ARB2A: variants seen among roughly 807,000 people sequenced by gnomAD.
ARB2A encodes the protein cotranscriptional regulator ARB2A.
At chr5:94,015,975 C>G in the ARB2A span, among the ~76,000 whole-genome samples, 1 of 152,198 alleles carries the variant, frequency 6.6e-6, no homozygotes, top group East Asian at 1.9e-4. Context: ...ACACAATTCT[C>G]TAATTAAAAA....
the ARB2A span, among the ~76,000 whole-genome samples, chr5:93,821,868 C>T: frequency 6.7e-6 from 1 of 149,870 alleles, no homozygotes; most frequent in Non-Finnish European, 1.5e-5. Context: ...CGTATGCTTC[C>T]ATTACATACC....
the ARB2A span, among the ~76,000 whole-genome samples, chr5:93,852,310 T>C: frequency 6.6e-6 from 1 of 152,222 alleles, no homozygotes; most frequent in Admixed American, 6.5e-5. Context: ...TGTTTGTTTT[T>C]TTCTTGTAAA....
the ARB2A span, among the ~76,000 whole-genome samples, chr5:93,650,066 T>C: frequency 6.6e-6 from 1 of 152,046 alleles, no homozygotes; most frequent in Admixed American, 6.6e-5. Context: ...GTTCTACCTA[T>C]GTTTGTTATA....
At chr5:93,782,717 T>C in the ARB2A span, among the ~76,000 whole-genome samples, 2 of 152,140 alleles carry the variant, frequency 1.3e-5, no homozygotes, top group African/African-American at 4.8e-5. Flanking sequence ...AAGGTAGGTA[T>C]TATAGTTTAC....
the ARB2A span, among the ~76,000 whole-genome samples, chr5:94,076,192 A>G: frequency 6.6e-6 from 1 of 152,192 alleles, no homozygotes; most frequent in African/African-American, 2.4e-5. Context: ...CTTCAACATT[A>G]AATAGTACAG....
the ARB2A span, among the ~76,000 whole-genome samples, chr5:93,724,813 T>C: frequency 6.6e-6 from 1 of 152,008 alleles, no homozygotes; most frequent in African/African-American, 2.4e-5. Flanking sequence ...CAACAGTAAG[T>C]AATAATAAGA....
At chr5:93,805,200 G>A in the ARB2A span, 1 of 984,944 alleles carries the variant, frequency 1.0e-6, no homozygotes, top group Non-Finnish European at 1.2e-6. Flanking sequence ...GGGAAATAAT[G>A]AGAACGGGGT....
the ARB2A span, among the ~76,000 whole-genome samples, chr5:93,727,704 A>G: frequency 1.3e-5 from 2 of 152,008 alleles, no homozygotes; most frequent in African/African-American, 4.8e-5. Flanking sequence ...GTTTCATTAT[A>G]TACACTTTGG....
the ARB2A span, among the ~76,000 whole-genome samples, chr5:93,950,804 C>T: frequency 6.6e-6 from 1 of 151,586 alleles, no homozygotes; most frequent in Non-Finnish European, 1.5e-5. Flanking sequence ...ATTAGCCCAG[C>T]ATGGTGGTGC....
chr5:94,048,620 C>T, the ARB2A span, among the ~76,000 whole-genome samples: 1 of 152,108 alleles, frequency 6.6e-6, no homozygotes, highest in Non-Finnish European at 1.5e-5. Context: ...TCCTCAAATC[C>T]CAAAGAGGCA....
At chr5:94,024,653 A>C in the ARB2A span, among the ~76,000 whole-genome samples, 1 of 152,106 alleles carries the variant, frequency 6.6e-6, no homozygotes, top group Admixed American at 6.6e-5. Flanking sequence ...AAAAGAATAA[A>C]AGAATTATTT....
the ARB2A span, among the ~76,000 whole-genome samples, chr5:93,664,505 C>A: frequency 2.0e-5 from 3 of 151,728 alleles, no homozygotes. Flanking sequence ...ATGGCGGGCA[C>A]CTGTACTCCC....
At chr5:93,794,110 T>G in the ARB2A span, among the ~76,000 whole-genome samples, 1 of 152,108 alleles carries the variant, frequency 6.6e-6, no homozygotes, top group Non-Finnish European at 1.5e-5. Flanking sequence ...AATTATAGCA[T>G]TTGTTTACCC....
At chr5:93,621,229 TCCCGCCCCTC>T in the ARB2A span, 25 of 1,058,298 alleles carry the variant, frequency 2.4e-5, no homozygotes, top group Admixed American at 8.9e-5. Context: ...GACCACCCGG[TCCCGCCCCTC>T]CCCGCCCCTC....
chr5:93,835,377 T>C, the ARB2A span, among the ~76,000 whole-genome samples: 2 of 152,346 alleles, frequency 1.3e-5, no homozygotes, highest in African/African-American at 4.8e-5. Flanking sequence ...CAGGTTCACA[T>C]ATTTTCTGAA....
chr5:94,083,598 T>C, the ARB2A span, among the ~76,000 whole-genome samples: 1 of 152,098 alleles, frequency 6.6e-6, no homozygotes, highest in African/African-American at 2.4e-5. Flanking sequence ...ATGAAATATT[T>C]GTAAAAGTCT....
the ARB2A span, among the ~76,000 whole-genome samples, chr5:94,041,472 T>C: frequency 6.6e-6 from 1 of 152,134 alleles, no homozygotes. Context: ...TGTATTTATA[T>C]GTGTTGTGTG....
chr5:93,885,758 A>C, the ARB2A span, among the ~76,000 whole-genome samples: 1 of 151,724 alleles, frequency 6.6e-6, no homozygotes, highest in African/African-American at 2.4e-5. Flanking sequence ...CAAGGTATTA[A>C]CTATGGGATC....
At chr5:93,852,238 T>A in the ARB2A span, among the ~76,000 whole-genome samples, 4 of 152,206 alleles carry the variant, frequency 2.6e-5, no homozygotes, top group African/African-American at 9.7e-5. Flanking sequence ...GTTCTTTGGC[T>A]GCATGAATGT....
Sources: gnomAD v4.1 joint callset for allele counts (sites outside exome capture counted in the v4.1 genomes callset) on GRCh38, gnomAD v4.1.1 for gene constraint, MANE v1.5 for transcripts, NCBI Gene and HGNC (gene_info 2026-07-23, HGNC 2026-07-21) for gene names.